The following ZFPM2 variants were observed in gnomAD, a reference collection of about 807,000 sequenced individuals.
ZFPM2 encodes zinc finger protein, FOG family member 2.
Under a neutral mutation model 98.6 loss-of-function variants are expected in ZFPM2, and 20 were observed. The observed-to-expected ratio is 0.20, with a 90% CI of 0.14 to 0.29. The LOEUF is 0.29. ZFPM2 is among the 10% of genes least tolerant of loss of function. ZFPM2 has a pLI of 1.00. For synonymous variants in ZFPM2, 518 were observed against 502.7 expected (o/e 1.03, Z -0.41); for missense variants, 1,310 against 1,388.6 (o/e 0.94, Z 0.90).
At chr8:105,684,203 G>T (rs1190887889) in intron 5 of ZFPM2, among the ~76,000 whole-genome samples, 1 of 152,088 alleles carries the variant, frequency 6.6e-6, no homozygotes, top group East Asian at 1.9e-4. Flanking sequence ...ACTTAATATA[G>T]AAATGACTCC....
At chr8:105,509,848 TGTG>T (rs1813779386) in intron 3 of ZFPM2, among the ~76,000 whole-genome samples, 1 of 152,224 alleles carries the variant, frequency 6.6e-6, no homozygotes, top group Non-Finnish European at 1.5e-5. Flanking sequence ...AATGCTATTT[TGTG>T]GTAAATTTTT....
chr8:105,319,876 T>A (rs1811987069), intron 1 of ZFPM2: 1 of 152,248 alleles, frequency 6.6e-6, no homozygotes, highest in Non-Finnish European at 1.5e-5. Context: ...ACAGGCACGC[T>A]CGCAGAGATC....
intron 3 of ZFPM2, among the ~76,000 whole-genome samples, chr8:105,458,969 A>T (rs571467129): frequency 6.6e-5 from 10 of 152,214 alleles, no homozygotes; most frequent in Non-Finnish European, 1.3e-4. Context: ...ATAAAGGAAA[A>T]AAACTTTAAA....
intron 5 of ZFPM2, among the ~76,000 whole-genome samples, chr8:105,731,271 T>G (rs1171980717): frequency 6.6e-6 from 1 of 151,476 alleles, no homozygotes; most frequent in Non-Finnish European, 1.5e-5. Flanking sequence ...CTTTTTCCAC[T>G]CCATGCCAAA....
chr8:105,390,061 A>G (rs1454239295), intron 1 of ZFPM2, among the ~76,000 whole-genome samples: 1 of 152,170 alleles, frequency 6.6e-6, no homozygotes, highest in Admixed American at 6.5e-5. Flanking sequence ...AACTAGTCTC[A>G]TGTATTTTAT....
intron 3 of ZFPM2, among the ~76,000 whole-genome samples, chr8:105,545,430 C>T (rs1814673755): frequency 1.3e-5 from 2 of 152,048 alleles, no homozygotes; most frequent in African/African-American, 4.8e-5. Context: ...TCCCACATTG[C>T]CACCTATCTA....
At chr8:105,602,076 A>G (rs776941783) in intron 4 of ZFPM2, among the ~76,000 whole-genome samples, 45 of 152,192 alleles carry the variant, frequency 3.0e-4, no homozygotes, top group Non-Finnish European at 6.0e-4. Context: ...TTGATAGCTC[A>G]TACTTGCATC....
chr8:105,562,536 G>A (rs1289956563), intron 4 of ZFPM2, among the ~76,000 whole-genome samples: 1 of 152,108 alleles, frequency 6.6e-6, no homozygotes, highest in Non-Finnish European at 1.5e-5. Flanking sequence ...AAATCAAGGT[G>A]TCTGCAGGTC....
At chr8:105,650,777 G>A (rs570219020) in intron 5 of ZFPM2, among the ~76,000 whole-genome samples, 1 of 152,296 alleles carries the variant, frequency 6.6e-6, no homozygotes, top group Admixed American at 6.5e-5. Flanking sequence ...TACATTTGCT[G>A]AGGAGTGCTT....
chr8:105,712,858 G>T (rs542357768), intron 5 of ZFPM2, among the ~76,000 whole-genome samples: 4 of 152,120 alleles, frequency 2.6e-5, no homozygotes, highest in Admixed American at 2.6e-4. Context: ...GCCTCCAGCT[G>T]CATCCATGTT....
At chr8:105,566,260 T>C (rs1359360081) in intron 4 of ZFPM2, among the ~76,000 whole-genome samples, 2 of 152,164 alleles carry the variant, frequency 1.3e-5, no homozygotes, top group Non-Finnish European at 2.9e-5. Flanking sequence ...TATGACCTTA[T>C]ACCCCTGAAA....
At chr8:105,681,972 G>T (rs1190449342) in intron 5 of ZFPM2, among the ~76,000 whole-genome samples, 1 of 152,070 alleles carries the variant, frequency 6.6e-6, no homozygotes, top group Non-Finnish European at 1.5e-5. Context: ...ATACGTGCCT[G>T]ATACAGTGTA....
intron 1 of ZFPM2, among the ~76,000 whole-genome samples, chr8:105,364,657 C>CA (rs529091109): frequency 0.07 from 8,191 of 117,128 alleles, 344 homozygotes; most frequent in Admixed American, 0.14. Flanking sequence ...GCAAGAATAC[C>CA]AAAAAAAAAA....
chr8:105,794,947 C>G (rs923043580), intron 6 of ZFPM2, among the ~76,000 whole-genome samples: 2 of 152,146 alleles, frequency 1.3e-5, no homozygotes, highest in Non-Finnish European at 2.9e-5. Context: ...TCGCAGTATT[C>G]GGGTGGGAGT....
In ZFPM2 at chr8:105,801,661, C is replaced by T; in HGVS notation, c.1579C>T (p.Arg527Ter). Residue 527 changes from arginine to a stop codon, truncating the protein, a stop_gained, in exon 8 of 8, where the codon CGA becomes TGA. Transcript: ENST00000407775. LOFTEE classifies it high-confidence loss of function. ...TAAGATGTCTGAACTGGTGCATCGG[C>T]GACTGAGGCATGGCAGTAGTAGCTA... Reference protein sequence around the residue: ...LAKMSELVHRRLRHGSSSYPP... With the variant: ...LAKMSELVHR 1 of 1,613,534 alleles carries T rather than the reference C, an allele frequency of 6.2e-7. No individual in the cohort carries two copies. Among genetic ancestry groups the T allele is most frequent in the Non-Finnish European group, 8.5e-7 (1 of 1,179,848 alleles).
At chr8:105,704,994 GGATCAAAT>G (rs1294033438) in intron 5 of ZFPM2, among the ~76,000 whole-genome samples, 2 of 152,112 alleles carry the variant, frequency 1.3e-5, no homozygotes, top group Admixed American at 6.6e-5. Flanking sequence ...CAAGATGACA[GGATCAAAT>G]GATCATGGAT....
intron 5 of ZFPM2, among the ~76,000 whole-genome samples, chr8:105,682,505 T>C (rs1374646403): frequency 1.3e-5 from 2 of 152,194 alleles, no homozygotes; most frequent in Admixed American, 6.6e-5. Context: ...TAGATCCTTG[T>C]AGGCAGTTGT....
intron 2 of ZFPM2, among the ~76,000 whole-genome samples, chr8:105,428,773 C>T (rs1462542104): frequency 2.6e-5 from 4 of 152,126 alleles, no homozygotes; most frequent in African/African-American, 9.7e-5. Flanking sequence ...GCAGGGAAAG[C>T]TCTGGGCACT....
In ZFPM2 at chr8:105,510,793, G is replaced by A. The variant is rs139672342; in HGVS notation, c.302-50570G>A. On this transcript the variant is annotated intron_variant, in intron 3 of 7. Transcript: ENST00000407775. ...GGATCGTGGACTCAGGCACTAGGGT[G>A]GGGATGTGAGGGACTGGGTCTGCCC... 4.0e-3 allele frequency among the ~76,000 whole-genome samples: 608 copies of A among 152,278 alleles called. 5 individuals carry two copies. The highest frequency in any genetic ancestry group is 0.013 in the African/African-American group (529 of 41,556).
Sources: gnomAD v4.1 joint callset for allele counts (sites outside exome capture counted in the v4.1 genomes callset) on GRCh38, gnomAD v4.1.1 for gene constraint, MANE v1.5 for transcripts, NCBI Gene and HGNC (gene_info 2026-07-23, HGNC 2026-07-21) for gene names.